Variants in LRFN1 observed in about 807,000 individuals in gnomAD.
LRFN1 encodes leucine rich repeat and fibronectin type III domain containing 1.
LRFN1 carries 20 observed loss-of-function variants against 31.8 expected under a neutral mutation model. That is an observed-to-expected ratio of 0.63 (90% CI 0.44 to 0.91). The LOEUF (loss-of-function observed/expected upper bound fraction) is 0.91, where lower values mean the gene tolerates loss of function less well. Among genes scored for constraint, LRFN1 ranks in the 40% least tolerant of loss-of-function variants. LRFN1 has a pLI of 0.00. For missense variants in LRFN1, 912 were observed against 1,129.8 expected (o/e 0.81, Z 2.76); for synonymous variants, 514 against 541.3 (o/e 0.95, Z 0.70).
chr19:39,319,535 C>A (rs999467160), intron 1 of LRFN1, among the ~76,000 whole-genome samples: 2 of 152,156 alleles, frequency 1.3e-5, no homozygotes, highest in Admixed American at 6.5e-5. Flanking sequence ...TTTGCAGACA[C>A]GCCAAGATGT....
Position 39,308,205 on chromosome 19 carries a change from C to T in LRFN1, c.1744G>A (p.Val582Met), listed in dbSNP as rs1017881129. The change falls in exon 5 of 5, where the codon GTG (valine) becomes ATG (methionine). Residue 582 changes from valine (V) to methionine (M), a missense_variant. Around this residue, in one of 2 missense-constraint regions of LRFN1, gnomAD observed 511 missense variants for 557.0 expected, o/e 0.92. Coordinates refer to ENST00000248668, the MANE Select transcript of LRFN1 (RefSeq NM_020862.2). The surrounding 1 kb of genome is among the most constrained non-coding windows in gnomAD (Gnocchi z 6.2). ...CCTGCGCCGTTGGTCTGCGAGCACA[C>T]GTGGCTGACCCGCGGGAGCGACCTG... ...GSRSLPRVSH[V>M]CSQTNGAGTG... 6.2e-7 allele frequency: 1 copy of T among 1,606,154 alleles called. No homozygotes were observed. The highest frequency in any genetic ancestry group is 8.5e-7 in the Non-Finnish European group (1 of 1,175,454).
Position 39,307,873 on chromosome 19 carries a change from C to G in LRFN1, c.2076G>C (p.Gly692=). The G allele has an allele frequency of 1.9e-6, 3 of 1,540,674 alleles. No individual in the cohort carries two copies. The highest frequency in any genetic ancestry group is 2.6e-6 in the Non-Finnish European group (3 of 1,149,702). ...GCGGCCTCGGCCGGGCCGCGGCTCC[C>G]CCAGGAACTAGAGCTAGAGTAGGGG... ...SAPPTLALVP[G]GAAARPRPQQ... Residue 692 remains glycine, a synonymous_variant, in exon 5 of 5, where the codon GGG becomes GGC. Coordinates refer to ENST00000248668, the MANE Select transcript of LRFN1 (RefSeq NM_020862.2). The surrounding 1 kb of genome is among the most constrained non-coding windows in gnomAD (Gnocchi z 6.7).
chr19:39,309,441 C>T (rs950091430), intron 4 of LRFN1, among the ~76,000 whole-genome samples: 10 of 135,234 alleles, frequency 7.4e-5, no homozygotes, highest in Admixed American at 1.7e-4. Context: ...GCTACAAGAC[C>T]GCAAGACCGA....
rs76694056 is a variant in LRFN1 at position 39,313,756 on chromosome 19, G to A, written c.1406+175C>T. Reference sequence around the variant, plus strand: ...CTCAGCGAATATTTTCTATAAGCACGAAAAACAGAGACAGTGAGAAATAGA... The same window carrying A: ...CTCAGCGAATATTTTCTATAAGCACAAAAAACAGAGACAGTGAGAAATAGA... On this transcript the variant is annotated intron_variant, in intron 4 of 4. Coordinates refer to ENST00000248668, the MANE Select transcript of LRFN1 (RefSeq NM_020862.2). 6.8e-3 allele frequency among the ~76,000 whole-genome samples: 1,037 copies of A among 152,260 alleles called. 19 individuals carry two copies. Among genetic ancestry groups the A allele is most frequent in the African/African-American group, 0.024 (993 of 41,540 alleles).
Position 39,315,220 on chromosome 19 carries a change from G to T in LRFN1, c.117C>A (p.Ile39=). ...SRGQPCPGRC[I]CQNVAPTLTM... ...TCAGTGTGGGCGCCACGTTCTGGCA[G>T]ATGCAGCGGCCGGGGCAGGGCTGGC... The change falls in exon 4 of 5, where the codon ATC becomes ATA. Residue 39 remains isoleucine (I), a synonymous_variant. Transcript: ENST00000248668. This position sits in a 1 kb window ranked among gnomAD's most constrained non-coding sequence, Gnocchi z 4.7. 1 of 1,571,604 alleles carries T rather than the reference G, an allele frequency of 6.4e-7. No individual in the cohort carries two copies. The highest frequency in any genetic ancestry group is 2.3e-5 in the East Asian group (1 of 43,564).
rs1238773232 is a variant in LRFN1, at chr19:39,306,997, A to G, written c.*636T>C. ...AAATCAGGAGAGACAGGGAGACTAG[A>G]CAAAACCAGGGAGGGCCGAGGGACA... On this transcript the variant is annotated 3_prime_UTR_variant, in exon 5 of 5. Transcript: ENST00000248668. 4 of 270,050 alleles carry G rather than the reference A, an allele frequency of 1.5e-5. No homozygotes were observed. The highest frequency in any genetic ancestry group is 2.8e-5 in the Non-Finnish European group (4 of 144,928). 16.7% of individuals were successfully genotyped at this position (270,050 alleles called of 1,614,324 possible).
chr19:39,307,699 C>A lies in LRFN1; in HGVS notation c.2250G>T (p.Gly750=), dbSNP rs1417156560. The stretch of plus-strand genomic sequence containing the variant: ...CCAGGCACGCCCTGGCGGAGCCCAG[C>A]CCCAGGTCTCCATCCTCCCCGGCCG... The part of the protein sequence containing the change: ...GGAAGEDGDL[G]LGSARACLAF... Residue 750 remains glycine (G), a synonymous_variant, in exon 5 of 5, where the codon GGG becomes GGT. Coordinates refer to ENST00000248668, the MANE Select transcript of LRFN1 (RefSeq NM_020862.2). The surrounding 1 kb of genome is among the most constrained non-coding windows in gnomAD (Gnocchi z 6.7). The A allele has an allele frequency of 1.3e-6, 2 of 1,512,384 alleles. No individual in the cohort carries two copies. Among genetic ancestry groups the A allele is most frequent in the Non-Finnish European group, 1.8e-6 (2 of 1,140,134 alleles). The allele number at this position is 1,512,384 out of a possible 1,614,324, so 93.7% of individuals were successfully genotyped here.
Position 39,315,149 on chromosome 19 carries a change from A to T in LRFN1, c.188T>A (p.Ile63Asn). The T allele has an allele frequency of 6.3e-7, 1 of 1,591,348 alleles. No individual in the cohort carries two copies. The highest frequency in any genetic ancestry group is 8.5e-7 in the Non-Finnish European group (1 of 1,175,788). ...KTGLLFVPPA[I>N]DRRVVELRLT... ...CCGCAGCTCCACCACGCGCCGGTCG[A>T]TGGCGGGCGGCACAAAGAGCAAGCC... Residue 63 changes from isoleucine (I) to asparagine (N), a missense_variant, in exon 4 of 5, where the codon ATC (isoleucine) becomes AAC (asparagine). Ile to Asn is a moderately radical substitution (Grantham distance 149). Transcript: ENST00000248668. The surrounding 1 kb of genome is among the most constrained non-coding windows in gnomAD (Gnocchi z 4.7).
Position 39,307,616 on chromosome 19 carries a change from C to T in LRFN1, c.*17G>A, listed in dbSNP as rs1234477094. The T allele has an allele frequency of 5.8e-6, 8 of 1,383,742 alleles. No homozygotes were observed. The highest frequency in any genetic ancestry group is 7.3e-5 in the Admixed American group (2 of 27,434). 85.7% of individuals were successfully genotyped at this position (1,383,742 alleles called of 1,614,324 possible). On this transcript the variant is annotated 3_prime_UTR_variant, in exon 5 of 5. Transcript: ENST00000248668. This position sits in a 1 kb window ranked among gnomAD's most constrained non-coding sequence, Gnocchi z 6.7. Reference sequence around the variant, plus strand: ...TTTGGTCTGCGGCACCCAGGCGTCCCGGCGCCCGCCCGCCGCTCACACGGT... The same window carrying T: ...TTTGGTCTGCGGCACCCAGGCGTCCTGGCGCCCGCCCGCCGCTCACACGGT...
At chr19:39,312,682 A>G (rs1054522225) in intron 4 of LRFN1, among the ~76,000 whole-genome samples, 1 of 151,948 alleles carries the variant, frequency 6.6e-6, no homozygotes, top group Non-Finnish European at 1.5e-5. Context: ...GTGCACACCT[A>G]TAGTCCCAGC....
chr19:39,309,619 C>T (rs1037920421), intron 4 of LRFN1, among the ~76,000 whole-genome samples: 1 of 152,012 alleles, frequency 6.6e-6, no homozygotes, highest in Non-Finnish European at 1.5e-5. Context: ...TCCAGGCACA[C>T]CCCACAATGG....
intron 4 of LRFN1, among the ~76,000 whole-genome samples, chr19:39,310,045 C>T (rs30478): frequency 0.16 from 24,637 of 152,182 alleles, 4,991 homozygotes; most frequent in African/African-American, 0.48. Flanking sequence ...GCAATCTCTG[C>T]CTTCCGGGTT....
In LRFN1 at chr19:39,306,752, CA is replaced by C. The variant is rs2075129838; in HGVS notation, c.*880del. The stretch of plus-strand genomic sequence containing the variant: ...CCCAACACACACACACACACACACA[CA>C]CACACACACACACACACACTACACG... On this transcript the variant is annotated 3_prime_UTR_variant, in exon 5 of 5. Transcript: ENST00000248668. The C allele has an allele frequency of 6.5e-6, 1 of 153,574 alleles. No individual in the cohort carries two copies. The highest frequency in any genetic ancestry group is 1.4e-5 in the Non-Finnish European group (1 of 69,502). The allele number at this position is 153,574 out of a possible 1,614,324, so 9.5% of individuals were successfully genotyped here. A position where few individuals can be genotyped will look rare whatever the true frequency, so the allele number is the denominator to read the frequency against.
Position 39,313,985 on chromosome 19 carries a change from A to C in LRFN1, c.1352T>G (p.Ile451Arg). The C allele has an allele frequency of 1.2e-6, 2 of 1,609,466 alleles. No individual in the cohort carries two copies. The highest frequency in any genetic ancestry group is 1.7e-6 in the Non-Finnish European group (2 of 1,178,606). ...RWPAQRPVPGIRMYQVQYNSS... is the reference protein window; with the variant it reads ...RWPAQRPVPGRRMYQVQYNSS... ...GTTGTACTGAACCTGGTACATGCGT[A>C]TTCCGGGCACAGGCCTCTGGGCTGG... The change falls in exon 4 of 5, where the codon ATA (isoleucine) becomes AGA (arginine). Residue 451 changes from isoleucine (I) to arginine (R), a missense_variant. Coordinates refer to ENST00000248668, the MANE Select transcript of LRFN1 (RefSeq NM_020862.2).
rs1288774656 is a variant in LRFN1, at chr19:39,314,885, C to T, written c.452G>A (p.Arg151Gln). ...HLILGNNQIR[R>Q]VESAAFDAFL... Reference sequence around the variant, plus strand: ...GGCGTCAAAGGCCGCCGACTCCACCCGGCGGATCTGGTTGTTTCCAAGGAT... The same window carrying T: ...GGCGTCAAAGGCCGCCGACTCCACCTGGCGGATCTGGTTGTTTCCAAGGAT... The change falls in exon 4 of 5, where the codon CGG (arginine) becomes CAG (glutamine). Residue 151 changes from arginine (R) to glutamine (Q), a missense_variant. By Grantham distance (43) the Arg-to-Gln change is conservative (BLOSUM62 1). Around this residue, in one of 2 missense-constraint regions of LRFN1, gnomAD observed 401 missense variants for 572.7 expected, o/e 0.70. Transcript: ENST00000248668. 2 of 1,609,500 alleles carry T rather than the reference C, an allele frequency of 1.2e-6. No homozygotes were observed. Among genetic ancestry groups the T allele is most frequent in the Admixed American group, 3.4e-5 (2 of 59,272 alleles).
intron 4 of LRFN1, among the ~76,000 whole-genome samples, chr19:39,312,623 C>A (rs2075154547): frequency 6.6e-6 from 1 of 151,918 alleles, no homozygotes; most frequent in Non-Finnish European, 1.5e-5. Context: ...GGCAATATAG[C>A]AAGACCTCAT....
chr19:39,307,250 C>A lies in LRFN1; in HGVS notation c.*383G>T. On this transcript the variant is annotated 3_prime_UTR_variant, in exon 5 of 5. Coordinates refer to ENST00000248668, the MANE Select transcript of LRFN1 (RefSeq NM_020862.2). The surrounding 1 kb of genome is among the most constrained non-coding windows in gnomAD (Gnocchi z 6.7). The stretch of plus-strand genomic sequence containing the variant: ...CCAGATACAAGAAATGGGCCCCTCG[C>A]CCCGGCCCCGGGTGACGGGCTGGGG... 2.5e-6 allele frequency: 1 copy of A among 398,234 alleles called. No individual in the cohort carries two copies. The highest frequency in any genetic ancestry group is 4.4e-6 in the Non-Finnish European group (1 of 225,882). 24.7% of individuals were successfully genotyped at this position (398,234 alleles called of 1,614,324 possible).
In LRFN1 at chr19:39,315,397, C is replaced by G. The variant is rs1297697926; in HGVS notation, c.-37-24G>C. ...ACCTGCCGGGGAAGGAGCCGGTTAC[C>G]CAGGCGTGGGACTTGGCCGCCATGG... is the stretch of plus-strand genomic sequence containing the variant. On this transcript the variant is annotated intron_variant, in intron 3 of 4. Transcript: ENST00000248668. This position sits in a 1 kb window ranked among gnomAD's most constrained non-coding sequence, Gnocchi z 4.7. 14 of 1,399,910 alleles carry G rather than the reference C, an allele frequency of 1.0e-5. No homozygotes were observed. In the East Asian group the frequency reaches 3.0e-4, roughly 30 times the overall value. 86.7% of individuals were successfully genotyped at this position (1,399,910 alleles called of 1,614,324 possible).
intron 4 of LRFN1, among the ~76,000 whole-genome samples, chr19:39,312,652 T>A (rs879354266): frequency 6.6e-6 from 1 of 152,002 alleles, no homozygotes; most frequent in African/African-American, 2.4e-5. Context: ...AAAATTTTTT[T>A]AAATTAGCCC....
Sources: allele counts gnomAD v4.1 joint callset (sites outside exome capture counted in the v4.1 genomes callset), GRCh38; gene constraint gnomAD v4.1.1; regional missense constraint gnomAD v4.1.1; non-coding constraint Gnocchi (gnomAD v3.1); transcripts MANE v1.5; gene names NCBI Gene and HGNC (gene_info 2026-07-23, HGNC 2026-07-21).